The following RP1 variants were observed in gnomAD, a reference collection of about 807,000 sequenced individuals.
RP1 encodes the protein RP1 axonemal microtubule associated, also known as oxygen-regulated protein 1.
RP1 carries 16 observed loss-of-function variants against 14.8 expected under a neutral mutation model. The observed-to-expected ratio is 1.08, with a 90% confidence interval of 0.73 to 1.65. The LOEUF (loss-of-function observed/expected upper bound fraction) is 1.65, where lower values mean the gene tolerates loss of function less well. Among genes scored for constraint, RP1 ranks in the 40% most tolerant of loss-of-function variants. The pLI, the probability that RP1 is intolerant of heterozygous loss-of-function variation, is 0.00. For missense variants in RP1, 2,631 were observed against 2,535.0 expected (o/e 1.04, Z -0.81); for synonymous variants, 876 against 883.6 (o/e 0.99, Z 0.15).
At chr8:54,709,391 G>A (rs1808243717) in intron 15 of RP1, among the ~76,000 whole-genome samples, 1 of 152,148 alleles carries the variant, frequency 6.6e-6, no homozygotes, top group South Asian at 2.1e-4. Flanking sequence ...AGGATGAAAT[G>A]CCAGGTTCAG....
At chr8:54,790,923 C>T (rs1023327388) in intron 24 of RP1, among the ~76,000 whole-genome samples, 2 of 151,948 alleles carry the variant, frequency 1.3e-5, no homozygotes, top group African/African-American at 4.8e-5. Context: ...AAGATAGGGA[C>T]AAAAAGCCTA....
At chr8:54,717,975 A>G (rs998557137) in intron 15 of RP1, among the ~76,000 whole-genome samples, 2 of 152,224 alleles carry the variant, frequency 1.3e-5, no homozygotes, top group African/African-American at 4.8e-5. Flanking sequence ...AATTAAAAAC[A>G]TAATTCCAGT....
intron 8 of RP1, chr8:54,674,069 C>A: frequency 1.6e-6 from 1 of 634,240 alleles, no homozygotes. Flanking sequence ...AAAATATTGT[C>A]TCCAAATACC....
chr8:54,824,619 C>T (rs1460484346), intron 24 of RP1, among the ~76,000 whole-genome samples: 2 of 152,142 alleles, frequency 1.3e-5, no homozygotes, highest in Non-Finnish European at 2.9e-5. Context: ...AATGGGAAAC[C>T]GCAGACTAAT....
chr8:54,639,807 A>G (rs1001215972), intron 3 of RP1, among the ~76,000 whole-genome samples: 1 of 152,312 alleles, frequency 6.6e-6, no homozygotes, highest in Admixed American at 6.5e-5. Flanking sequence ...GATCTTAGCC[A>G]AAAGGCTGAG....
chr8:54,648,958 T>A, intron 3 of RP1: 1 of 1,466,634 alleles, frequency 6.8e-7, no homozygotes, highest in South Asian at 1.4e-5. Flanking sequence ...GTTGCCATAA[T>A]GCTGTATGTT....
At chr8:54,862,269 C>T (rs1054105378) in intron 27 of RP1, among the ~76,000 whole-genome samples, 1 of 152,158 alleles carries the variant, frequency 6.6e-6, no homozygotes, top group Non-Finnish European at 1.5e-5. Flanking sequence ...CTAAGTTTTT[C>T]TCTTACCTAC....
chr8:54,763,488 A>G (rs1809690655), intron 22 of RP1, among the ~76,000 whole-genome samples: 2 of 152,174 alleles, frequency 1.3e-5, no homozygotes, highest in Admixed American at 6.5e-5. Flanking sequence ...ACTACAAATA[A>G]TGACCAACAT....
At chr8:54,734,567 T>C in exon 18 of RP1, 2 of 1,535,126 alleles carry the variant, frequency 1.3e-6, no homozygotes, top group East Asian at 4.9e-5. Flanking sequence ...ATTTCCAAAG[T>C]AGTGAGACTC....
At chr8:54,762,244 A>C (rs1007729739) in intron 22 of RP1, among the ~76,000 whole-genome samples, 2 of 152,180 alleles carry the variant, frequency 1.3e-5, no homozygotes, top group Admixed American at 1.3e-4. Context: ...ACAAGAATTT[A>C]CAGCACAGCT....
chr8:54,604,745 C>A (rs1199354375), intron 1 of RP1, among the ~76,000 whole-genome samples: 2 of 152,200 alleles, frequency 1.3e-5, no homozygotes, highest in African/African-American at 4.8e-5. Flanking sequence ...AGAGATTCAA[C>A]TTCTTCCTGG....
chr8:54,617,900 G>A (rs572937867), intron 1 of RP1, among the ~76,000 whole-genome samples: 7 of 152,250 alleles, frequency 4.6e-5, no homozygotes, highest in Admixed American at 2.0e-4. Flanking sequence ...GAACACAAAT[G>A]TTTTTATTCA....
chr8:54,712,548 T>C (rs527554412), intron 15 of RP1, among the ~76,000 whole-genome samples: 2 of 152,310 alleles, frequency 1.3e-5, no homozygotes, highest in South Asian at 4.1e-4. Flanking sequence ...AAAGGAGCAC[T>C]CTGAGCCTAC....
chr8:54,626,868 G>A lies in RP1; in HGVS notation c.2986G>A (p.Ala996Thr). 6.2e-7 allele frequency: 1 copy of A among 1,613,748 alleles called. No homozygotes were observed. The highest frequency in any genetic ancestry group is 1.1e-5 in the South Asian group (1 of 91,080). The change falls in exon 4 of 4, where the codon GCC becomes ACC. Residue 996 changes from alanine (A) to threonine (T), a missense_variant. Transcript: ENST00000220676. ...TAAAGAGGGAGATAAGTCTTTTATT[G>A]CCAATGACACTGGTGAAGAAGATCT... ...LCKEGDKSFI[A>T]NDTGEEDLHE...
intron 27 of RP1, among the ~76,000 whole-genome samples, chr8:54,864,883 A>G (rs1483723440): frequency 1.3e-5 from 2 of 152,160 alleles, no homozygotes; most frequent in South Asian, 2.1e-4. Flanking sequence ...CTGGATTTTC[A>G]TGTAAAACAC....
chr8:54,850,012 A>G, intron 25 of RP1, among the ~76,000 whole-genome samples: 1 of 152,230 alleles, frequency 6.6e-6, no homozygotes, highest in Non-Finnish European at 1.5e-5. Flanking sequence ...TGGCTTTGTC[A>G]TATAAGGTTT....
chr8:54,616,000 G>A (rs1244525085), upstream of RP1: 1 of 152,180 alleles, frequency 6.6e-6, no homozygotes, highest in Non-Finnish European at 1.5e-5. Flanking sequence ...TCTCCTTAGG[G>A]TGAGCTCTGT....
chr8:54,699,380 A>G (rs1159676709), intron 12 of RP1: 2 of 478,208 alleles, frequency 4.2e-6, no homozygotes, highest in African/African-American at 2.0e-5. Context: ...AGTTTAAAAT[A>G]TATTATTAAG....
intron 24 of RP1, among the ~76,000 whole-genome samples, chr8:54,785,959 C>T (rs963124125): frequency 2.6e-5 from 4 of 151,916 alleles, no homozygotes; most frequent in Non-Finnish European, 5.9e-5. Context: ...TTTAAGAGTT[C>T]GTTATATATT....
Sources: gnomAD v4.1 joint callset for allele counts (sites outside exome capture counted in the v4.1 genomes callset) on GRCh38, gnomAD v4.1.1 for gene constraint, MANE v1.5 for transcripts, NCBI Gene and HGNC (gene_info 2026-07-23, HGNC 2026-07-21) for gene names.